The following XPO6 variants were observed in gnomAD, a reference collection of about 807,000 sequenced individuals.
The protein encoded by XPO6 is exportin 6.
XPO6 carries 3 observed loss-of-function variants against 130.0 expected under a neutral mutation model. That is an observed-to-expected ratio of 0.02 (90% CI 0.01 to 0.06). The LOEUF (loss-of-function observed/expected upper bound fraction) is 0.06, where lower values mean the gene tolerates loss of function less well. Among genes scored for constraint, XPO6 ranks in the 10% least tolerant of loss-of-function variants. The probability of loss-of-function intolerance (pLI) is 1.00; values close to 1 mark genes in which losing one functional copy is unlikely to be tolerated. For missense variants in XPO6, 970 were observed against 1,393.0 expected (o/e 0.70, Z 4.83); for synonymous variants, 524 against 548.9 (o/e 0.95, Z 0.63).
intron 1 of XPO6, among the ~76,000 whole-genome samples, chr16:28,197,813 G>A (rs1362888267): frequency 6.6e-6 from 1 of 150,926 alleles, no homozygotes; most frequent in Non-Finnish European, 1.5e-5. Context: ...CAGCTACTTG[G>A]GAGGCTGAGG....
At chr16:28,161,395 C>A (rs775128046) in intron 6 of XPO6, among the ~76,000 whole-genome samples, 1 of 152,140 alleles carries the variant, frequency 6.6e-6, no homozygotes, top group Non-Finnish European at 1.5e-5. Flanking sequence ...TCAGCCTCAA[C>A]CTCCTCCGCC....
At chr16:28,161,646 T>A (rs1444254725) in intron 6 of XPO6, among the ~76,000 whole-genome samples, 1 of 152,216 alleles carries the variant, frequency 6.6e-6, no homozygotes, top group Non-Finnish European at 1.5e-5. Context: ...GTGTGACTAC[T>A]TGCTTGGCCC....
At chr16:28,100,120 T>C (rs2086624809) in intron 23 of XPO6, among the ~76,000 whole-genome samples, 1 of 152,128 alleles carries the variant, frequency 6.6e-6, no homozygotes, top group Non-Finnish European at 1.5e-5. Context: ...CCCAAGCAGC[T>C]GGGATTACAG....
At chr16:28,149,059 A>T (rs959376628) in intron 8 of XPO6, among the ~76,000 whole-genome samples, 50 of 76,032 alleles carry the variant, frequency 6.6e-4, no homozygotes, top group South Asian at 5.0e-3. Flanking sequence ...AAAAGAAAAT[A>T]AAAAAAAAAA....
At position 28,211,795 on chromosome 16, in the gene XPO6, C is replaced by G. The variant is rs1354574392; in HGVS notation, c.-427G>C. 3.9e-6 allele frequency: 1 copy of G among 257,522 alleles called. No individual in the cohort carries two copies. The highest frequency in any genetic ancestry group is 2.3e-5 in the African/African-American group (1 of 44,274). The allele number at this position is 257,522 out of a possible 1,614,324, so 16.0% of individuals were successfully genotyped here. On this transcript the variant is annotated 5_prime_UTR_variant, in exon 1 of 24. Transcript: ENST00000304658. ...AGGCTGACAGGCCTCGACCGCGCGG[C>G]CCAGGCGGCCGGCTCAGGGGAGAGG...
intron 1 of XPO6, among the ~76,000 whole-genome samples, chr16:28,203,015 C>T (rs2043975569): frequency 6.6e-6 from 1 of 152,196 alleles, no homozygotes; most frequent in Non-Finnish European, 1.5e-5. Flanking sequence ...GTGGCTTACG[C>T]CTGTAATCCT....
At position 28,189,631 on chromosome 16, in the gene XPO6, C is replaced by A. The variant is rs11866521; in HGVS notation, c.4-8600G>T. On this transcript the variant is annotated intron_variant, in intron 1 of 23. Transcript: ENST00000304658. ...TACTGAAGCAAACAGACAACCACAG[C>A]ATGTAACAGGACTGCTAAGGCTGGG... Among the ~76,000 whole-genome samples the A allele has an allele frequency of 9.9e-3, 1,501 of 151,964 alleles. 30 individuals carry two copies. Among genetic ancestry groups the A allele is most frequent in the African/African-American group, 0.035 (1,429 of 41,414 alleles).
intron 1 of XPO6, among the ~76,000 whole-genome samples, chr16:28,206,050 A>C (rs966729701): frequency 6.6e-6 from 1 of 151,336 alleles, no homozygotes; most frequent in Non-Finnish European, 1.5e-5. Flanking sequence ...AAAAAAAAAA[A>C]AAAACTGCCT....
At position 28,106,532 on chromosome 16, in the gene XPO6, G is replaced by T; in HGVS notation, c.2498-35C>A. On this transcript the variant is annotated intron_variant, in intron 18 of 23. Transcript: ENST00000304658. The surrounding 1 kb of genome is among the most constrained non-coding windows in gnomAD (Gnocchi z 4.2). The stretch of plus-strand genomic sequence containing the variant: ...GGGGCAGAGATATCGTCAGAGGCTT[G>T]CACACAGTGAGAACCAGAACCCTGG... 1 of 1,563,860 alleles carries T rather than the reference G, an allele frequency of 6.4e-7. No individual in the cohort carries two copies. Among genetic ancestry groups the T allele is most frequent in the Non-Finnish European group, 8.8e-7 (1 of 1,136,054 alleles).
rs201424583 is a variant in XPO6, at chr16:28,170,550, TTGTG to T, written c.406-645_406-642del. Among the ~76,000 whole-genome samples the T allele has an allele frequency of 4.5e-3, 689 of 152,254 alleles. 6 individuals are homozygous for T. The highest frequency in any genetic ancestry group is 0.016 in the African/African-American group (668 of 41,556). On this transcript the variant is annotated intron_variant, in intron 4 of 23. Transcript: ENST00000304658. Reference sequence around the variant, plus strand: ...TGTTACTTTGTCTAGTAGCCAAGTTTTGTGTGTGTATGTATATAAATTATATCTG... The same window carrying T: ...TGTTACTTTGTCTAGTAGCCAAGTTTTGTGTATGTATATAAATTATATCTG...
intron 16 of XPO6, 122 bp downstream of exon 16, chr16:28,112,782 G>T: frequency 7.8e-7 from 1 of 1,290,208 alleles, no homozygotes. Context: ...TAAGAAATCT[G>T]TCTATGCTGG....
intron 8 of XPO6, among the ~76,000 whole-genome samples, chr16:28,151,097 C>G (rs183226316): frequency 4.1e-4 from 62 of 151,130 alleles, no homozygotes; most frequent in African/African-American, 1.4e-3. Flanking sequence ...CCAACAAACC[C>G]CTGCTCCAAG....
chr16:28,140,253 T>C (rs534198330), intron 9 of XPO6, among the ~76,000 whole-genome samples: 2 of 142,816 alleles, frequency 1.4e-5, no homozygotes, highest in Non-Finnish European at 3.1e-5. Flanking sequence ...AAAAAAGACA[T>C]GTACAAATTA....
At position 28,132,384 on chromosome 16, in the gene XPO6, T is replaced by C; in HGVS notation, c.1556A>G (p.Asn519Ser). Reference protein sequence around the residue: ...FSTLFPVLQDNLEVYLGLQQF... With the variant: ...FSTLFPVLQDSLEVYLGLQQF... ...TTGTAATCCCAAATAAACTTCTAAA[T>C]TGTCCTGAAGAACAGGGAACTGAAA... Residue 519 changes from asparagine to serine, a missense_variant, in exon 12 of 24, where the codon AAT becomes AGT. Asn to Ser is a conservative substitution (Grantham distance 46). Transcript: ENST00000304658. This position sits in a 1 kb window ranked among gnomAD's most constrained non-coding sequence, Gnocchi z 4.0. The C allele has an allele frequency of 1.2e-6, 2 of 1,606,692 alleles. No individual in the cohort carries two copies.
At position 28,101,419 on chromosome 16, in the gene XPO6, C is replaced by T. The variant is rs116318577; in HGVS notation, c.3276+39G>A. On this transcript the variant is annotated intron_variant, in intron 23 of 23. Transcript: ENST00000304658. The surrounding 1 kb of genome is among the most constrained non-coding windows in gnomAD (Gnocchi z 5.4). ...CACAGGTGCCAGGCTTGCGTGCCCA[C>T]TCTGCCCTCCTCTTAGCCCGGCCTC... The T allele has an allele frequency of 1.3e-5, 21 of 1,588,282 alleles. No individual in the cohort carries two copies. The African/African-American group carries it at 1.9e-4, about 14-fold the overall frequency.
At chr16:28,127,756 G>A (rs33042) in intron 12 of XPO6, among the ~76,000 whole-genome samples, 35,239 of 152,098 alleles carry the variant, frequency 0.23, 4,209 homozygotes, top group Middle Eastern at 0.32. Flanking sequence ...CTGGAAGAGG[G>A]GACAGAGGGC....
chr16:28,101,332 C>T lies in XPO6; in HGVS notation c.3276+126G>A, dbSNP rs759275635. On this transcript the variant is annotated intron_variant, in intron 23 of 23. Coordinates refer to ENST00000304658, the MANE Select transcript of XPO6 (RefSeq NM_015171.4). This position sits in a 1 kb window ranked among gnomAD's most constrained non-coding sequence, Gnocchi z 5.4. ...GGTCAGCAGGCATCTCGTGAGCTGC[C>T]GCCAAGCTGCAGGGTGGGCACAGAC... is the stretch of plus-strand genomic sequence containing the variant. 2.3e-4 allele frequency: 191 copies of T among 817,234 alleles called. No individual in the cohort carries two copies. The highest frequency in any genetic ancestry group is 1.8e-3 in the Middle Eastern group (8 of 4,404). The allele number at this position is 817,234 out of a possible 1,614,324, so 50.6% of individuals were successfully genotyped here. A position where few individuals can be genotyped will look rare whatever the true frequency, so the allele number is the denominator to read the frequency against.
rs576754100 is a variant in XPO6 at position 28,106,302 on chromosome 16, G to C, written c.2612+81C>G. The C allele has an allele frequency of 4.7e-5, 76 of 1,607,074 alleles. 1 individual carries two copies. The East Asian group carries it at 1.7e-3, about 36-fold the overall frequency. On this transcript the variant is annotated intron_variant, in intron 19 of 23. Transcript: ENST00000304658. This position sits in a 1 kb window ranked among gnomAD's most constrained non-coding sequence, Gnocchi z 4.2. ...CCATGCTGTGGCAAGTGCAGAACAG[G>C]AGCAAAAAGCCACACTTTGTCGCCA... is the stretch of plus-strand genomic sequence containing the variant.
At chr16:28,128,036 C>G (rs2042595275) in intron 12 of XPO6, among the ~76,000 whole-genome samples, 1 of 152,168 alleles carries the variant, frequency 6.6e-6, no homozygotes, top group African/African-American at 2.4e-5. Context: ...AACCAATGAA[C>G]TGAGAGGGAT....
Sources: allele counts gnomAD v4.1 joint callset (sites outside exome capture counted in the v4.1 genomes callset), GRCh38; gene constraint gnomAD v4.1.1; non-coding constraint Gnocchi (gnomAD v3.1); transcripts MANE v1.5; gene names NCBI Gene and HGNC (gene_info 2026-07-23, HGNC 2026-07-21).